UGT1A8: variants seen among roughly 807,000 people sequenced by gnomAD.
UGT1A8 encodes the protein UDP-glucuronosyltransferase 1A8.
In UGT1A8, 39 loss-of-function variants were observed where a neutral mutation model predicts 45.3. The observed-to-expected ratio is 0.86, with a 90% CI of 0.67 to 1.12. The LOEUF (loss-of-function observed/expected upper bound fraction) is 1.12. Among genes scored for constraint, UGT1A8 ranks in the 50% most tolerant of loss-of-function variants. UGT1A8 has a pLI of 0.00. For synonymous variants in UGT1A8, 275 were observed against 249.2 expected (o/e 1.10, Z -0.97); for missense variants, 719 against 664.9 (o/e 1.08, Z -0.90).
At chr2:233,642,887 A>ACTCTCTCT (rs143675434) in intron 1 of UGT1A8, among the ~76,000 whole-genome samples, 1 of 142,742 alleles carries the variant, frequency 7.0e-6, no homozygotes, top group Non-Finnish European at 1.5e-5. Flanking sequence ...TCTCTCTCTC[A>ACTCTCTCT]CTCTCTCTCT....
intron 1 of UGT1A8, chr2:233,761,223 C>T: frequency 1.2e-6 from 2 of 1,613,412 alleles, no homozygotes; most frequent in Non-Finnish European, 1.7e-6. Context: ...ATTAACTAGC[C>T]CCAGATATAT....
intron 1 of UGT1A8, among the ~76,000 whole-genome samples, chr2:233,700,492 A>G (rs770742590): frequency 7.9e-5 from 12 of 152,320 alleles, no homozygotes; most frequent in East Asian, 3.9e-4. Flanking sequence ...AGTACATAAA[A>G]GCCTAGAAAC....
chr2:233,619,247 A>T (rs1433600705), intron 1 of UGT1A8, among the ~76,000 whole-genome samples: 1 of 152,136 alleles, frequency 6.6e-6, no homozygotes, highest in Non-Finnish European at 1.5e-5. Context: ...AGATTCCTTT[A>T]TACACCAATA....
At chr2:233,626,627 G>C (rs1249992606) in intron 1 of UGT1A8, among the ~76,000 whole-genome samples, 1 of 151,980 alleles carries the variant, frequency 6.6e-6, no homozygotes, top group East Asian at 1.9e-4. Context: ...AACAACAATG[G>C]CATCTTCAAT....
intron 1 of UGT1A8, among the ~76,000 whole-genome samples, chr2:233,696,285 A>T (rs554364174): frequency 1.9e-4 from 29 of 152,324 alleles, no homozygotes; most frequent in Admixed American, 1.7e-3. Flanking sequence ...AAAACGTAGG[A>T]CTGTAATATC....
chr2:233,746,892 G>A (rs1693507408), intron 1 of UGT1A8, among the ~76,000 whole-genome samples: 1 of 151,796 alleles, frequency 6.6e-6, no homozygotes, highest in African/African-American at 2.4e-5. Flanking sequence ...GAAGTAGGAG[G>A]CTGTGACATG....
chr2:233,693,469 T>C (rs757888453), intron 1 of UGT1A8: 2 of 1,614,144 alleles, frequency 1.2e-6, no homozygotes, highest in East Asian at 2.2e-5. Flanking sequence ...CCTTACCCTG[T>C]GGGGTGATCC....
rs28969672 is a variant in UGT1A8, at chr2:233,619,506, G to A, written c.855+944G>A. 8.3e-3 allele frequency among the ~76,000 whole-genome samples: 1,268 copies of A among 152,156 alleles called. 22 individuals carry two copies. Among genetic ancestry groups the A allele is most frequent in the African/African-American group, 0.028 (1,181 of 41,508 alleles). On this transcript the variant is annotated intron_variant, in intron 1 of 4. Coordinates refer to ENST00000373450, the MANE Select transcript of UGT1A8 (RefSeq NM_019076.5). ...GGGTTTTCCTGAATTGAGAAGATTG[G>A]CATCTTTTTGCTATTATATCTTCCT...
intron 1 of UGT1A8, chr2:233,691,761 TC>T (rs752208388): frequency 5.9e-5 from 26 of 440,350 alleles, no homozygotes; most frequent in Non-Finnish European, 7.8e-5. Flanking sequence ...TGACTCCTGC[TC>T]TAGGATTCTC....
intron 1 of UGT1A8, among the ~76,000 whole-genome samples, chr2:233,749,836 C>T (rs550199256): frequency 1.5e-4 from 23 of 152,008 alleles, no homozygotes; most frequent in South Asian, 8.3e-4. Context: ...TCATGTAAGA[C>T]GTGTCTTTGC....
chr2:233,690,158 A>C (rs568795878), intron 1 of UGT1A8, among the ~76,000 whole-genome samples: 13 of 152,348 alleles, frequency 8.5e-5, no homozygotes, highest in African/African-American at 2.9e-4. Flanking sequence ...ATTCATTGAC[A>C]TGTAGTTATG....
At chr2:233,728,227 T>C (rs576517888) in intron 1 of UGT1A8, among the ~76,000 whole-genome samples, 6 of 152,272 alleles carry the variant, frequency 3.9e-5, no homozygotes, top group African/African-American at 1.4e-4. Flanking sequence ...ACCATAATCT[T>C]CAGGATGAAA....
At position 233,763,858 on chromosome 2, in the gene UGT1A8, C is replaced by T. The variant is rs577598991; in HGVS notation, c.856-3176C>T. ...GGGTAAGATAGCAGTGGTTCACAGA[C>T]AATCGCAATGCTGGGTCTGAGAAAA... On this transcript the variant is annotated intron_variant, in intron 1 of 4. Transcript: ENST00000373450. 5.1e-4 allele frequency among the ~76,000 whole-genome samples: 77 copies of T among 152,246 alleles called. 2 individuals carry two copies. The South Asian group carries it at 0.016, about 31-fold the overall frequency.
At chr2:233,762,238 A>G (rs1231676264) in intron 1 of UGT1A8, among the ~76,000 whole-genome samples, 1 of 152,096 alleles carries the variant, frequency 6.6e-6, no homozygotes, top group East Asian at 1.9e-4. Context: ...CCTAAGGCAC[A>G]GAATAGGCAC....
At chr2:233,627,862 C>T (rs2073118267) in intron 1 of UGT1A8, among the ~76,000 whole-genome samples, 1 of 151,936 alleles carries the variant, frequency 6.6e-6, no homozygotes, top group South Asian at 2.1e-4. Flanking sequence ...TCTGTAGTCC[C>T]ATGACTGTAT....
At chr2:233,754,510 C>T in intron 1 of UGT1A8, 1 of 361,188 alleles carries the variant, frequency 2.8e-6, no homozygotes. Flanking sequence ...GCTATTCCTC[C>T]AGATGTGCTT....
chr2:233,732,054 CA>C (rs1380241108), intron 1 of UGT1A8, among the ~76,000 whole-genome samples: 13 of 152,278 alleles, frequency 8.5e-5, no homozygotes, highest in Non-Finnish European at 4.4e-5. Flanking sequence ...AGCATTTATT[CA>C]TGTGTCTGTT....
intron 1 of UGT1A8, among the ~76,000 whole-genome samples, chr2:233,714,532 T>A (rs1427036802): frequency 1.3e-5 from 2 of 152,206 alleles, no homozygotes; most frequent in African/African-American, 4.8e-5. Flanking sequence ...CTTCATGGTC[T>A]AATACCGAAG....
chr2:233,681,262 A>C (rs192058312), intron 1 of UGT1A8, among the ~76,000 whole-genome samples: 1 of 152,156 alleles, frequency 6.6e-6, no homozygotes, highest in African/African-American at 2.4e-5. Flanking sequence ...GGCCAGGTGT[A>C]GTGGCTCACG....
Sources: allele counts gnomAD v4.1 joint callset (sites outside exome capture counted in the v4.1 genomes callset), GRCh38; gene constraint gnomAD v4.1.1; transcripts MANE v1.5; gene names NCBI Gene and HGNC (gene_info 2026-07-23, HGNC 2026-07-21).